Variants in PCDHA13 observed in about 807,000 individuals in gnomAD.
PCDHA13 encodes protocadherin alpha-13.
PCDHA13 carries 54 observed loss-of-function variants against 64.8 expected under a neutral mutation model. That is an observed-to-expected ratio of 0.83 (90% CI 0.67 to 1.04). The LOEUF (loss-of-function observed/expected upper bound fraction) is 1.04. Ranked by LOEUF, PCDHA13 falls within the 50% of genes least tolerant of loss-of-function variation. The pLI is 0.00. For synonymous variants in PCDHA13, 587 were observed against 564.4 expected, an observed-to-expected ratio of 1.04 and a Z score of -0.57; for missense variants, 1,248 against 1,254.3, an observed-to-expected ratio of 0.99 and a Z score of 0.08.
intron 1 of PCDHA13, among the ~76,000 whole-genome samples, chr5:140,955,559 A>G (rs1220948022): frequency 6.6e-6 from 1 of 152,164 alleles, no homozygotes; most frequent in African/African-American, 2.4e-5. Flanking sequence ...CTCCCCAGCC[A>G]TACTGAACTG....
intron 3 of PCDHA13, among the ~76,000 whole-genome samples, chr5:140,995,873 C>T (rs1554254864): frequency 6.6e-6 from 1 of 152,126 alleles, no homozygotes; most frequent in Non-Finnish European, 1.5e-5. Flanking sequence ...AATTGTGCAA[C>T]CTGTGCTTCA....
At chr5:140,927,970 G>C in intron 1 of PCDHA13, 2 of 1,614,216 alleles carry the variant, frequency 1.2e-6, no homozygotes, top group Non-Finnish European at 1.7e-6. Context: ...CACAGTGATT[G>C]CTCTCTTTAG....
At chr5:140,914,033 G>A (rs1192515722) in intron 1 of PCDHA13, among the ~76,000 whole-genome samples, 1 of 152,138 alleles carries the variant, frequency 6.6e-6, no homozygotes, top group Non-Finnish European at 1.5e-5. Context: ...GTGCTGAGAA[G>A]AATGTGTATT....
intron 1 of PCDHA13, among the ~76,000 whole-genome samples, chr5:140,920,841 T>TAAAA (rs781921146): frequency 7.3e-5 from 8 of 109,222 alleles, no homozygotes; most frequent in African/African-American, 1.0e-4. Flanking sequence ...AGACCAAATC[T>TAAAA]AAAAAAAAAA....
intron 3 of PCDHA13, among the ~76,000 whole-genome samples, chr5:140,993,462 T>TCTCACA (rs1235362335): frequency 7.1e-6 from 1 of 140,938 alleles, no homozygotes; most frequent in Non-Finnish European, 1.5e-5. Flanking sequence ...TCTTTCTTTC[T>TCTCACA]CACACACACA....
chr5:140,886,945 A>T (rs2061235497), intron 1 of PCDHA13, among the ~76,000 whole-genome samples: 1 of 152,148 alleles, frequency 6.6e-6, no homozygotes, highest in Admixed American at 6.5e-5. Flanking sequence ...TGTTCTACAC[A>T]TTAGACATTT....
chr5:140,906,595 C>T (rs1341854347), intron 1 of PCDHA13, among the ~76,000 whole-genome samples: 1 of 152,218 alleles, frequency 6.6e-6, no homozygotes, highest in Non-Finnish European at 1.5e-5. Context: ...CCTTCCTCTA[C>T]TACTCATTCT....
At chr5:140,941,259 T>TTCTTTCTTTCTTTCTTTC (rs2092988682) in intron 1 of PCDHA13, among the ~76,000 whole-genome samples, 1 of 121,734 alleles carries the variant, frequency 8.2e-6, no homozygotes, top group Non-Finnish European at 1.8e-5. Flanking sequence ...TTCTTTCTCT[T>TTCTTTCTTTCTTTCTTTC]TCTTTCTTTC....
At chr5:140,985,729 T>C (rs1314785007) in intron 3 of PCDHA13, among the ~76,000 whole-genome samples, 2 of 149,858 alleles carry the variant, frequency 1.3e-5, no homozygotes, top group Non-Finnish European at 3.0e-5. Flanking sequence ...TTTCCTTCAC[T>C]GATGAATTCC....
At chr5:140,925,671 A>AATAATAATAATAATG (rs1445697337) in intron 1 of PCDHA13, among the ~76,000 whole-genome samples, 106 of 148,180 alleles carry the variant, frequency 7.2e-4, no homozygotes, top group African/African-American at 2.6e-3. Context: ...TAATAATAAT[A>AATAATAATAATAATG]ATAATAAAGC....
intron 3 of PCDHA13, among the ~76,000 whole-genome samples, chr5:141,005,701 CAAAAAAAAAA>C (rs59860837): frequency 9.0e-4 from 7 of 7,792 alleles, no homozygotes; most frequent in East Asian, 6.4e-3. Context: ...AACTCCGTCT[CAAAAAAAAAA>C]AAAAAAAAAA....
At chr5:140,962,565 C>G (rs2095693012) in intron 1 of PCDHA13, among the ~76,000 whole-genome samples, 1 of 152,130 alleles carries the variant, frequency 6.6e-6, no homozygotes, top group African/African-American at 2.4e-5. Flanking sequence ...CCCCTAAAAG[C>G]CAATTGTTAA....
chr5:140,980,490 C>T (rs185528514), intron 2 of PCDHA13, among the ~76,000 whole-genome samples: 39 of 152,096 alleles, frequency 2.6e-4, no homozygotes, highest in Admixed American at 4.6e-4. Context: ...ATTAGCTGGG[C>T]GTGATGGCAT....
At chr5:141,009,604 A>T (rs782247768) in intron 3 of PCDHA13, 23 bp from the exon 4 acceptor site, 2 of 1,608,944 alleles carry the variant, frequency 1.2e-6, no homozygotes, top group East Asian at 4.5e-5. Context: ...CCTGTTAATG[A>T]TTTGTAATGT....
At chr5:140,941,202 CCTTTCTTT>C (rs797023184) in intron 1 of PCDHA13, among the ~76,000 whole-genome samples, 5 of 122,740 alleles carry the variant, frequency 4.1e-5, no homozygotes, top group Non-Finnish European at 9.0e-5. Context: ...TTTCTTTCTT[CCTTTCTTT>C]CTTCCTTTCT....
At chr5:140,941,214 C>CTTCCTTTCTTTCTTTCTTTCTTT (rs1554214039) in intron 1 of PCDHA13, among the ~76,000 whole-genome samples, 1 of 122,414 alleles carries the variant, frequency 8.2e-6, no homozygotes. Flanking sequence ...TTTCTTTCTT[C>CTTCCTTTCTTTCTTTCTTTCTTT]CTTTCTTTCT....
chr5:140,898,995 T>C (rs1176186680), intron 1 of PCDHA13, among the ~76,000 whole-genome samples: 4 of 151,956 alleles, frequency 2.6e-5, no homozygotes, highest in Non-Finnish European at 5.9e-5. Flanking sequence ...TCTGTTTGTC[T>C]GTTATTGGTG....
chr5:140,955,922 GTTCA>G (rs1413540621), intron 1 of PCDHA13, among the ~76,000 whole-genome samples: 2 of 152,138 alleles, frequency 1.3e-5, no homozygotes, highest in African/African-American at 4.8e-5. Flanking sequence ...GTGAATGGGA[GTTCA>G]TTCATAATAT....
At chr5:140,962,455 A>G (rs571453201) in intron 1 of PCDHA13, among the ~76,000 whole-genome samples, 4 of 152,246 alleles carry the variant, frequency 2.6e-5, no homozygotes, top group Non-Finnish European at 4.4e-5. Flanking sequence ...TGAATCTCTT[A>G]TGGCTTGAAT....
Sources: gnomAD v4.1 joint callset for allele counts (sites outside exome capture counted in the v4.1 genomes callset) on GRCh38, gnomAD v4.1.1 for gene constraint, MANE v1.5 for transcripts, NCBI Gene and HGNC (gene_info 2026-07-23, HGNC 2026-07-21) for gene names.